The following FHIT variants were observed in gnomAD, a reference collection of about 807,000 sequenced individuals.
The protein encoded by FHIT is bis(5'-adenosyl)-triphosphatase.
In FHIT, 19 loss-of-function variants were observed where a neutral mutation model predicts 17.9. That is an observed-to-expected ratio of 1.06 (90% CI 0.74 to 1.56). FHIT has a LOEUF of 1.56. Ranked by LOEUF, FHIT falls within the 40% of genes most tolerant of loss-of-function variation. The pLI, the probability that FHIT is intolerant of heterozygous loss-of-function variation, is 0.00. For synonymous variants in FHIT, 81 were observed against 69.7 expected (o/e 1.16, Z -0.81); for missense variants, 248 against 189.2 (o/e 1.31, Z -1.82).
At chr3:60,715,400 G>T (rs1202333205) in intron 4 of FHIT, among the ~76,000 whole-genome samples, 1 of 152,056 alleles carries the variant, frequency 6.6e-6, no homozygotes, top group Non-Finnish European at 1.5e-5. Context: ...ACTGGATTAA[G>T]AAATTGTGGC....
intron 7 of FHIT, among the ~76,000 whole-genome samples, chr3:59,928,338 T>C (rs78455223): frequency 0.011 from 1,717 of 152,286 alleles, 35 homozygotes; most frequent in African/African-American, 0.039. Context: ...AGAGGTATCA[T>C]AGATTTTCCA....
At chr3:60,303,775 G>C (rs546267648) in intron 5 of FHIT, among the ~76,000 whole-genome samples, 1 of 152,116 alleles carries the variant, frequency 6.6e-6, no homozygotes, top group Admixed American at 6.6e-5. Flanking sequence ...AATACTCCCA[G>C]TTGGTTAAGC....
rs560159264 is a variant in FHIT, at chr3:59,834,200, A to T, written c.349-81879T>A. Among the ~76,000 whole-genome samples, 3 of 152,262 alleles carry T rather than the reference A, an allele frequency of 2.0e-5. No individual in the cohort carries two copies. The South Asian group carries it at 6.2e-4, about 32-fold the overall frequency. On this transcript the variant is annotated intron_variant, in intron 8 of 9. Coordinates refer to ENST00000492590, the MANE Select transcript of FHIT (RefSeq NM_002012.4). ...CCTGAATTCAAGTCCTAGTTTGTTC[A>T]TTTACTTTAGGTGATTTCTGACTCC...
chr3:60,028,771 T>G (rs1167269848), intron 5 of FHIT, among the ~76,000 whole-genome samples: 2 of 152,184 alleles, frequency 1.3e-5, no homozygotes, highest in Non-Finnish European at 2.9e-5. Context: ...AGGAATTTAG[T>G]AAAGACAAAC....
intron 7 of FHIT, among the ~76,000 whole-genome samples, chr3:60,002,370 C>G (rs929327947): frequency 6.6e-6 from 1 of 152,186 alleles, no homozygotes; most frequent in South Asian, 2.1e-4. Context: ...GAGAAGGCTT[C>G]CGAAGATATA....
chr3:60,372,442 T>G (rs1301729513), intron 5 of FHIT, among the ~76,000 whole-genome samples: 2 of 152,214 alleles, frequency 1.3e-5, no homozygotes, highest in Non-Finnish European at 2.9e-5. Flanking sequence ...AGAGTTAATG[T>G]CATGAGTCTG....
chr3:60,158,324 C>CT lies in FHIT; in HGVS notation c.104-144173dup, dbSNP rs796776481. On this transcript the variant is annotated intron_variant, in intron 5 of 9. Coordinates refer to ENST00000492590, the MANE Select transcript of FHIT (RefSeq NM_002012.4). ...CAAGACTATTTCATAATTTCTCTCT[C>CT]TTTTTTTTTTTTGAGACAGAATCTC... Among the ~76,000 whole-genome samples, 352 of 146,614 alleles carry CT rather than the reference C, an allele frequency of 2.4e-3. 1 individual carries two copies. Among genetic ancestry groups the CT allele is most frequent in the Middle Eastern group, 7.0e-3 (2 of 286 alleles).
chr3:61,125,317 C>A (rs545774140), intron 2 of FHIT, among the ~76,000 whole-genome samples: 1 of 152,206 alleles, frequency 6.6e-6, no homozygotes, highest in African/African-American at 2.4e-5. Flanking sequence ...GCTAAAACTA[C>A]CTTATGTTAG....
At chr3:60,675,091 G>T (rs1183448652) in intron 4 of FHIT, among the ~76,000 whole-genome samples, 3 of 152,130 alleles carry the variant, frequency 2.0e-5, no homozygotes, top group Non-Finnish European at 2.9e-5. Context: ...CTTGCCTCAG[G>T]GGTTTACCTT....
chr3:60,383,031 CA>C (rs1450755559), intron 5 of FHIT, among the ~76,000 whole-genome samples: 1 of 152,142 alleles, frequency 6.6e-6, no homozygotes, highest in Non-Finnish European at 1.5e-5. Context: ...TAGGAAAAAA[CA>C]AACTCTACTT....
chr3:61,040,552 T>A (rs1332531623), intron 3 of FHIT, among the ~76,000 whole-genome samples: 1 of 152,206 alleles, frequency 6.6e-6, no homozygotes, highest in Non-Finnish European at 1.5e-5. Context: ...AATACTCTAA[T>A]GTTAATATTT....
chr3:60,291,451 TAAC>T (rs1026187556), intron 5 of FHIT, among the ~76,000 whole-genome samples: 1 of 151,944 alleles, frequency 6.6e-6, no homozygotes, highest in African/African-American at 2.4e-5. Flanking sequence ...GTACATATGG[TAAC>T]AACAAAAAAA....
chr3:60,261,363 A>G (rs1172944610), intron 5 of FHIT, among the ~76,000 whole-genome samples: 1 of 151,998 alleles, frequency 6.6e-6, no homozygotes, highest in Non-Finnish European at 1.5e-5. Context: ...AGATGGTACC[A>G]ATCGCAAGGA....
intron 4 of FHIT, among the ~76,000 whole-genome samples, chr3:60,579,498 C>T (rs896683540): frequency 5.3e-5 from 8 of 152,002 alleles, no homozygotes; most frequent in Non-Finnish European, 1.2e-4. Context: ...TTAGTTAGTG[C>T]CCTGGCAAGT....
At chr3:60,000,881 C>T (rs1252222178) in intron 7 of FHIT, among the ~76,000 whole-genome samples, 4 of 152,208 alleles carry the variant, frequency 2.6e-5, no homozygotes, top group Non-Finnish European at 4.4e-5. Context: ...TCTCCCTACA[C>T]TAAATTTCTG....
rs573327889 is a variant in FHIT, at chr3:60,319,663, C to A, written c.103+217197G>T. ...AGTCCGTGACCAGAACAGCAAACAG[C>A]CCAACTCAAACAGCAGCACAGCCAC... On this transcript the variant is annotated intron_variant, in intron 5 of 9. Coordinates refer to ENST00000492590, the MANE Select transcript of FHIT (RefSeq NM_002012.4). 4.6e-5 allele frequency among the ~76,000 whole-genome samples: 7 copies of A among 152,270 alleles called. No homozygotes were observed. In the South Asian group the frequency reaches 1.5e-3, roughly 32 times the overall value.
chr3:60,118,075 C>T (rs896285375), intron 5 of FHIT, among the ~76,000 whole-genome samples: 1 of 152,060 alleles, frequency 6.6e-6, no homozygotes, highest in African/African-American at 2.4e-5. Context: ...TCACAGTAAT[C>T]GTGAATGTAC....
At chr3:60,440,774 G>A (rs1018346886) in intron 5 of FHIT, among the ~76,000 whole-genome samples, 1 of 152,120 alleles carries the variant, frequency 6.6e-6, no homozygotes, top group African/African-American at 2.4e-5. Flanking sequence ...TGTCATTTCA[G>A]TATATTTTTA....
At chr3:60,143,786 C>G (rs1300083509) in intron 5 of FHIT, among the ~76,000 whole-genome samples, 1 of 152,082 alleles carries the variant, frequency 6.6e-6, no homozygotes. Context: ...AGACCCTCAA[C>G]AATTAATATA....
Sources: allele counts gnomAD v4.1 joint callset (sites outside exome capture counted in the v4.1 genomes callset), GRCh38; gene constraint gnomAD v4.1.1; transcripts MANE v1.5; gene names NCBI Gene and HGNC (gene_info 2026-07-23, HGNC 2026-07-21).